The following COLEC12 variants were observed in gnomAD, a reference collection of about 807,000 sequenced individuals.
COLEC12 encodes the protein collectin subfamily member 12, also known as collectin-12.
In COLEC12, 33 loss-of-function variants were observed where a neutral mutation model predicts 71.1. The observed-to-expected ratio is 0.46, with a 90% confidence interval of 0.35 to 0.62. The LOEUF is 0.62. Among genes scored for constraint, COLEC12 ranks in the 20% least tolerant of loss-of-function variants. COLEC12 has a pLI of 0.00. For synonymous variants in COLEC12, 350 were observed against 353.0 expected (o/e 0.99, Z 0.10); for missense variants, 765 against 916.1 (o/e 0.84, Z 2.13).
chr18:471,679 T>G (rs528444411), intron 2 of COLEC12, among the ~76,000 whole-genome samples: 22 of 151,368 alleles, frequency 1.5e-4, no homozygotes, highest in African/African-American at 5.3e-4. Flanking sequence ...TTGTTGCTTT[T>G]TAATAATTTT....
At chr18:442,772 T>G (rs1415932000) in intron 2 of COLEC12, among the ~76,000 whole-genome samples, 1 of 152,220 alleles carries the variant, frequency 6.6e-6, no homozygotes, top group Non-Finnish European at 1.5e-5. Context: ...CCATCCTGGC[T>G]AACACGGTGA....
chr18:375,753 C>T (rs1409835349), intron 2 of COLEC12, among the ~76,000 whole-genome samples: 1 of 152,174 alleles, frequency 6.6e-6, no homozygotes, highest in Non-Finnish European at 1.5e-5. Flanking sequence ...ATGTGAGTTC[C>T]ATGCAGGCAG....
chr18:449,659 A>G (rs910507630), intron 2 of COLEC12, among the ~76,000 whole-genome samples: 2 of 152,144 alleles, frequency 1.3e-5, no homozygotes, highest in Admixed American at 6.5e-5. Flanking sequence ...GCCCCTCTCA[A>G]TCTGCCACCG....
intron 2 of COLEC12, among the ~76,000 whole-genome samples, chr18:401,724 T>A (rs1432875449): frequency 2.0e-5 from 3 of 152,188 alleles, no homozygotes; most frequent in African/African-American, 7.2e-5. Flanking sequence ...AGAGGGAGTA[T>A]AATCAAAAAT....
At chr18:410,716 C>A (rs1203880669) in intron 2 of COLEC12, among the ~76,000 whole-genome samples, 1 of 152,000 alleles carries the variant, frequency 6.6e-6, no homozygotes, top group Non-Finnish European at 1.5e-5. Flanking sequence ...TGAGCCATCA[C>A]ACCAGGCAAT....
intron 2 of COLEC12, among the ~76,000 whole-genome samples, chr18:455,254 ATTTTTG>A (rs1342823895): frequency 2.1e-5 from 3 of 143,972 alleles, no homozygotes; most frequent in Non-Finnish European, 3.1e-5. Flanking sequence ...TACTTTATTT[ATTTTTG>A]TTTTGTTTTA....
At chr18:436,751 G>A (rs1916415310) in intron 2 of COLEC12, among the ~76,000 whole-genome samples, 1 of 151,830 alleles carries the variant, frequency 6.6e-6, no homozygotes. Context: ...GGAAGGGTTG[G>A]GTATTGCTCT....
At position 404,879 on chromosome 18, in the gene COLEC12, G is replaced by A. The variant is rs944846645; in HGVS notation, c.59-47357C>T. On this transcript the variant is annotated intron_variant, in intron 2 of 9. Coordinates refer to ENST00000400256, the MANE Select transcript of COLEC12 (RefSeq NM_130386.3). The stretch of plus-strand genomic sequence containing the variant: ...ACAACCATAAGGTCTGACTGCCTGC[G>A]GGGTTGGGCAAAAAGAGCCTTATTT... Among the ~76,000 whole-genome samples, 10 of 152,240 alleles carry A rather than the reference G, an allele frequency of 6.6e-5. No homozygotes were observed. In the South Asian group the frequency reaches 8.3e-4, roughly 13 times the overall value.
intron 2 of COLEC12, among the ~76,000 whole-genome samples, chr18:402,152 G>A (rs1915699731): frequency 6.6e-6 from 1 of 152,132 alleles, no homozygotes; most frequent in South Asian, 2.1e-4. Context: ...TGAAATGAAA[G>A]TTCACTCCAC....
chr18:320,794 G>C (rs977338278), intron 9 of COLEC12, among the ~76,000 whole-genome samples: 21 of 152,178 alleles, frequency 1.4e-4, no homozygotes, highest in African/African-American at 4.6e-4. Flanking sequence ...TCTCATTCTG[G>C]TGAAGAAAAC....
intron 2 of COLEC12, among the ~76,000 whole-genome samples, chr18:462,285 C>T (rs1916997905): frequency 6.6e-6 from 1 of 152,182 alleles, no homozygotes; most frequent in African/African-American, 2.4e-5. Context: ...CAAATGCCTA[C>T]CAATTGATGA....
intron 8 of COLEC12, among the ~76,000 whole-genome samples, chr18:325,093 T>TAA (rs896259385): frequency 6.6e-6 from 1 of 152,086 alleles, no homozygotes; most frequent in Non-Finnish European, 1.5e-5. Flanking sequence ...CTCAGGAGAC[T>TAA]AAAGTAGGAG....
At chr18:419,784 C>G (rs189791330) in intron 2 of COLEC12, among the ~76,000 whole-genome samples, 2 of 152,300 alleles carry the variant, frequency 1.3e-5, no homozygotes, top group Admixed American at 1.3e-4. Context: ...GAGGTGATAT[C>G]TATGTCCTCT....
At chr18:380,654 G>T (rs191638116) in intron 2 of COLEC12, among the ~76,000 whole-genome samples, 123 of 152,234 alleles carry the variant, frequency 8.1e-4, no homozygotes, top group African/African-American at 2.8e-3. Context: ...ATCTCTAGGG[G>T]TGTGGGTTCC....
intron 2 of COLEC12, among the ~76,000 whole-genome samples, chr18:459,964 T>C (rs781377436): frequency 1.3e-5 from 2 of 151,988 alleles, no homozygotes; most frequent in African/African-American, 2.4e-5. Context: ...GCCCTGAGGT[T>C]CCTCCTTTAA....
chr18:473,508 C>T (rs1488356753), intron 2 of COLEC12, among the ~76,000 whole-genome samples: 4 of 46,280 alleles, frequency 8.6e-5, no homozygotes, highest in South Asian at 1.0e-3. Flanking sequence ...GGATTACAGG[C>T]GCGTGCCACA....
At chr18:353,789 GGAATTTAATAAA>G (rs1914572615) in intron 3 of COLEC12, among the ~76,000 whole-genome samples, 1 of 152,126 alleles carries the variant, frequency 6.6e-6, no homozygotes, top group South Asian at 2.1e-4. Flanking sequence ...ACACTCCTCT[GGAATTTAATAAA>G]GGCATTTCTA....
rs187872474 is a variant in COLEC12 at position 394,864 on chromosome 18, A to G, written c.59-37342T>C. Among the ~76,000 whole-genome samples the G allele has an allele frequency of 2.0e-5, 3 of 152,348 alleles. No individual in the cohort carries two copies. The East Asian group carries it at 5.8e-4, about 29-fold the overall frequency. On this transcript the variant is annotated intron_variant, in intron 2 of 9. Transcript: ENST00000400256. ...CAGAAACTAAGTACAAATAATGAGA[A>G]GCTTCTGGGAGAATACACCAGTCCA...
intron 1 of COLEC12, among the ~76,000 whole-genome samples, chr18:499,744 GC>G (rs1229035382): frequency 2.0e-5 from 3 of 152,252 alleles, no homozygotes; most frequent in East Asian, 3.8e-4. Flanking sequence ...ACAGAAGGCT[GC>G]CCTGCAGTCC....
Sources: gnomAD v4.1 joint callset for allele counts (sites outside exome capture counted in the v4.1 genomes callset) on GRCh38, gnomAD v4.1.1 for gene constraint, MANE v1.5 for transcripts, NCBI Gene and HGNC (gene_info 2026-07-23, HGNC 2026-07-21) for gene names.